Variants in FRY observed in about 807,000 individuals in gnomAD.
The protein encoded by FRY is FRY microtubule binding protein.
A neutral mutation model predicts 348.4 loss-of-function variants in FRY; 128 were observed. The observed-to-expected ratio is 0.37, with a 90% CI of 0.32 to 0.43. FRY has a LOEUF of 0.43. FRY is among the 20% of genes least tolerant of loss of function. FRY has a pLI of 1.00. For synonymous variants in FRY, 1,370 were observed against 1,374.7 expected (o/e 1.00, Z 0.08); for missense variants, 2,736 against 3,695.2 (o/e 0.74, Z 6.73).
chr13:32,239,886 G>GA lies in FRY; in HGVS notation c.6687+5_6687+6insA. On this transcript the variant is annotated splice_donor_region_variant and intron_variant, in intron 46 of 60. Transcript: ENST00000542859. The surrounding 1 kb of genome is among the most constrained non-coding windows in gnomAD (Gnocchi z 4.3). ...ATGGTTACCTACCTGGCAGAGGTAA[G>GA]CTTTTTTTTTTTGTTTTTTGAGACA... The GA allele has an allele frequency of 6.2e-7, 1 of 1,610,502 alleles. No homozygotes were observed. Among genetic ancestry groups the GA allele is most frequent in the Non-Finnish European group, 8.5e-7 (1 of 1,177,538 alleles).
chr13:32,235,203 A>G (rs944633558), intron 42 of FRY, among the ~76,000 whole-genome samples: 1 of 152,218 alleles, frequency 6.6e-6, no homozygotes, highest in Non-Finnish European at 1.5e-5. Flanking sequence ...AGAAGAGCTG[A>G]AGAAGGAATG....
At chr13:32,148,371 A>G (rs1880583669) in intron 13 of FRY, among the ~76,000 whole-genome samples, 1 of 152,238 alleles carries the variant, frequency 6.6e-6, no homozygotes, top group Admixed American at 6.5e-5. Context: ...TGTTCTTTCA[A>G]CCTATGAAAA....
intron 3 of FRY, among the ~76,000 whole-genome samples, chr13:32,111,668 G>A (rs1361902639): frequency 2.6e-5 from 4 of 152,132 alleles, no homozygotes; most frequent in East Asian, 1.9e-4. Context: ...TTTACAGAAC[G>A]CTCTTATACC....
At chr13:32,158,328 A>T (rs925759252) in intron 16 of FRY, among the ~76,000 whole-genome samples, 2 of 152,226 alleles carry the variant, frequency 1.3e-5, no homozygotes, top group Non-Finnish European at 2.9e-5. Context: ...ATGTCAATAC[A>T]AATGTATGTG....
chr13:32,265,728 A>G (rs982788543), intron 54 of FRY, 112 bp downstream of exon 54: 2 of 1,068,224 alleles, frequency 1.9e-6, no homozygotes, highest in Non-Finnish European at 2.8e-6. Context: ...CTAATAAAGG[A>G]CTCCAAAGTG....
chr13:32,157,478 T>A, intron 16 of FRY, 73 bp downstream of exon 16: 1 of 1,427,108 alleles, frequency 7.0e-7, no homozygotes, highest in Non-Finnish European at 9.8e-7. Context: ...TTCTCATTTA[T>A]TCTGTATTTT....
chr13:32,214,321 C>T (rs545681775), intron 35 of FRY, among the ~76,000 whole-genome samples: 85 of 152,338 alleles, frequency 5.6e-4, no homozygotes, highest in Admixed American at 4.8e-3. Flanking sequence ...AGAGAGACTG[C>T]GTATCTCTTA....
chr13:32,278,382 A>G (rs1359645190), intron 57 of FRY, 83 bp from the exon 58 acceptor site: 2 of 807,198 alleles, frequency 2.5e-6, no homozygotes. Context: ...AACTTTAATG[A>G]ATTTTTTCCT....
rs532853472 is a variant in FRY, at chr13:32,245,772, C to T, written c.6829-1551C>T. Reference sequence around the variant, plus strand: ...ATGGGGTTAAGTAGAGAGCGCCTAGCTCAAGAGCATAGACATCCTTTTCTC... The same window carrying T: ...ATGGGGTTAAGTAGAGAGCGCCTAGTTCAAGAGCATAGACATCCTTTTCTC... On this transcript the variant is annotated intron_variant, in intron 47 of 60. Transcript: ENST00000542859. Among the ~76,000 whole-genome samples, 4 of 136,326 alleles carry T rather than the reference C, an allele frequency of 2.9e-5. No homozygotes were observed. The South Asian group carries it at 9.0e-4, about 31-fold the overall frequency. 89.4% of individuals were successfully genotyped at this position (136,326 alleles called of 152,430 possible). A position where few individuals can be genotyped will look rare whatever the true frequency, so the allele number is the denominator to read the frequency against.
intron 32 of FRY, 43 bp downstream of exon 32, chr13:32,209,152 A>T: frequency 6.2e-7 from 1 of 1,611,912 alleles, no homozygotes; most frequent in Non-Finnish European, 8.5e-7. Flanking sequence ...TGGCTCCATC[A>T]TCAGAAAAAA....
At chr13:32,193,304 C>A (rs1883464330) in intron 28 of FRY, among the ~76,000 whole-genome samples, 1 of 151,792 alleles carries the variant, frequency 6.6e-6, no homozygotes, top group Non-Finnish European at 1.5e-5. Flanking sequence ...TCCTCATAAT[C>A]ATATTTCCTC....
At chr13:32,254,107 C>T in intron 50 of FRY, 117 bp from the exon 51 acceptor site, 1 of 920,020 alleles carries the variant, frequency 1.1e-6, no homozygotes, top group African/African-American at 1.6e-5. Context: ...AAAATACCCA[C>T]TGAAGGAATT....
chr13:32,158,786 C>T lies in FRY; in HGVS notation c.1784+1381C>T, dbSNP rs927431817. Among the ~76,000 whole-genome samples, 7 of 151,848 alleles carry T rather than the reference C, an allele frequency of 4.6e-5. No individual in the cohort carries two copies. In the South Asian group the frequency reaches 1.2e-3, roughly 27 times the overall value. ...TACAAAAATTAGCCGGGCATGGTGG[C>T]GTGCACCTGTAATCCCAGCTACTCG... is the stretch of plus-strand genomic sequence containing the variant. On this transcript the variant is annotated intron_variant, in intron 16 of 60. Transcript: ENST00000542859.
intron 57 of FRY, among the ~76,000 whole-genome samples, chr13:32,277,315 G>A (rs1888580847): frequency 6.6e-6 from 1 of 152,190 alleles, no homozygotes; most frequent in Non-Finnish European, 1.5e-5. Context: ...TGCAGCATCT[G>A]TAAGCCCTTG....
intron 1 of FRY, among the ~76,000 whole-genome samples, chr13:32,057,762 A>T (rs1036505503): frequency 6.6e-6 from 1 of 152,164 alleles, no homozygotes; most frequent in Non-Finnish European, 1.5e-5. Flanking sequence ...GATGGAGACC[A>T]TCCTGACTAA....
At chr13:32,200,032 A>C (rs1356432650) in intron 29 of FRY, among the ~76,000 whole-genome samples, 1 of 152,174 alleles carries the variant, frequency 6.6e-6, no homozygotes, top group Non-Finnish European at 1.5e-5. Context: ...AGGGCTTCAC[A>C]TGGCAGGAGA....
At chr13:32,109,801 G>C (rs4470027) in intron 3 of FRY, among the ~76,000 whole-genome samples, 1 of 152,082 alleles carries the variant, frequency 6.6e-6, no homozygotes, top group Non-Finnish European at 1.5e-5. Flanking sequence ...GAAAAATAAC[G>C]GGTTCAGTTT....
chr13:32,137,562 T>G (rs1298372877), intron 11 of FRY, among the ~76,000 whole-genome samples: 1 of 152,244 alleles, frequency 6.6e-6, no homozygotes, highest in African/African-American at 2.4e-5. Flanking sequence ...TTTCCAGCAA[T>G]ACACCTGCTA....
In FRY at chr13:32,260,846, A is replaced by G. The variant is rs572584278; in HGVS notation, c.7417-770A>G. ...AAAAGAAAAAAACAAAAAAACAGTAATAGGCTGGATGTGGTGGCTCACGCC... is the reference window on the plus strand; with the variant it reads ...AAAAGAAAAAAACAAAAAAACAGTAGTAGGCTGGATGTGGTGGCTCACGCC... On this transcript the variant is annotated intron_variant, in intron 51 of 60. Coordinates refer to ENST00000542859, the MANE Select transcript of FRY (RefSeq NM_023037.3). 2.2e-5 allele frequency among the ~76,000 whole-genome samples: 3 copies of G among 139,364 alleles called. No individual in the cohort carries two copies. In the East Asian group the frequency reaches 6.5e-4, roughly 30 times the overall value. The allele number at this position is 139,364 out of a possible 152,430, so 91.4% of individuals were successfully genotyped here. A position where few individuals can be genotyped will look rare whatever the true frequency, so the allele number is the denominator to read the frequency against.
Sources: allele counts gnomAD v4.1 joint callset (sites outside exome capture counted in the v4.1 genomes callset), GRCh38; gene constraint gnomAD v4.1.1; non-coding constraint Gnocchi (gnomAD v3.1); transcripts MANE v1.5; gene names NCBI Gene and HGNC (gene_info 2026-07-23, HGNC 2026-07-21).